RYK: variants seen among roughly 807,000 people sequenced by gnomAD.
RYK encodes inactive tyrosine-protein kinase RYK.
In RYK, 21 loss-of-function variants were observed where a neutral mutation model predicts 70.2. That is an observed-to-expected ratio of 0.30 (90% CI 0.21 to 0.43). RYK has a LOEUF of 0.43. Among genes scored for constraint, RYK ranks in the 20% least tolerant of loss-of-function variants. The pLI is 1.00. For missense variants in RYK, 604 were observed against 753.3 expected (o/e 0.80, Z 2.32); for synonymous variants, 267 against 278.0 (o/e 0.96, Z 0.39).
At chr3:134,190,171 C>G (rs1248650553) in intron 8 of RYK, among the ~76,000 whole-genome samples, 1 of 152,150 alleles carries the variant, frequency 6.6e-6, no homozygotes, top group African/African-American at 2.4e-5. Context: ...TTGCTTGAAG[C>G]TGAGTAAATA....
intron 1 of RYK, among the ~76,000 whole-genome samples, chr3:134,247,951 C>G (rs2107700546): frequency 6.6e-6 from 1 of 152,328 alleles, no homozygotes; most frequent in South Asian, 2.1e-4. Context: ...TGCAAAGCTA[C>G]TATTCCAAGA....
intron 13 of RYK, among the ~76,000 whole-genome samples, chr3:134,166,642 G>C (rs2012683021): frequency 6.6e-6 from 1 of 152,162 alleles, no homozygotes; most frequent in African/African-American, 2.4e-5. Context: ...CAGATGCATA[G>C]ACATTACTCC....
intron 4 of RYK, among the ~76,000 whole-genome samples, chr3:134,208,929 C>T (rs919979807): frequency 1.3e-5 from 2 of 151,986 alleles, no homozygotes; most frequent in African/African-American, 2.4e-5. Context: ...TATATTTCCC[C>T]CCCCCATCTT....
chr3:134,221,196 C>CTTTTTTTTTTTTTT (rs71139519), intron 2 of RYK, among the ~76,000 whole-genome samples: 16 of 78,588 alleles, frequency 2.0e-4, no homozygotes, highest in African/African-American at 8.4e-4. Context: ...AGTTCTTTTT[C>CTTTTTTTTTTTTTT]TTTTTTTTTT....
At chr3:134,175,805 A>C in intron 12 of RYK, 37 bp from the exon 13 acceptor site, 4 of 1,607,966 alleles carry the variant, frequency 2.5e-6, no homozygotes, top group Non-Finnish European at 3.4e-6. Context: ...ATGCAATCAG[A>C]GTATTAAAAA....
intron 6 of RYK, among the ~76,000 whole-genome samples, chr3:134,202,231 A>C (rs910278480): frequency 6.6e-6 from 1 of 152,182 alleles, no homozygotes; most frequent in Non-Finnish European, 1.5e-5. Context: ...ACCACAAACC[A>C]ACTGCATCAA....
At chr3:134,180,704 AAAATG>A (rs1406087244) in intron 10 of RYK, 1 of 152,230 alleles carries the variant, frequency 6.6e-6, no homozygotes, top group Non-Finnish European at 1.5e-5. Context: ...GGTCACCTTA[AAAATG>A]AAATGAACTG....
At chr3:134,169,706 G>A (rs573021922) in intron 13 of RYK, among the ~76,000 whole-genome samples, 1 of 152,272 alleles carries the variant, frequency 6.6e-6, no homozygotes, top group South Asian at 2.1e-4. Flanking sequence ...AATAAATCGT[G>A]TAGAATTTTT....
intron 1 of RYK, among the ~76,000 whole-genome samples, chr3:134,249,701 T>C (rs1361921475): frequency 6.6e-6 from 1 of 151,970 alleles, no homozygotes; most frequent in East Asian, 1.9e-4. Flanking sequence ...TACTCAAAAG[T>C]AGGAGAGTGG....
intron 9 of RYK, among the ~76,000 whole-genome samples, chr3:134,188,318 G>A (rs537965796): frequency 7.9e-5 from 12 of 151,656 alleles, no homozygotes; most frequent in African/African-American, 2.7e-4. Flanking sequence ...GAGCCACCAC[G>A]CCTGGCTAAT....
intron 7 of RYK, among the ~76,000 whole-genome samples, chr3:134,193,187 CTTT>C (rs59588313): frequency 7.0e-6 from 1 of 143,728 alleles, no homozygotes; most frequent in Admixed American, 7.0e-5. Flanking sequence ...TTTCCCTTGA[CTTT>C]TTTTTTTTTT....
intron 9 of RYK, among the ~76,000 whole-genome samples, chr3:134,187,533 AAGAC>A (rs1459657706): frequency 2.0e-5 from 3 of 152,122 alleles, no homozygotes; most frequent in Non-Finnish European, 2.9e-5. Context: ...ATAAGCAAAT[AAGAC>A]TTACCTCAGA....
At chr3:134,237,473 C>A (rs1686079032) in intron 1 of RYK, among the ~76,000 whole-genome samples, 1 of 152,056 alleles carries the variant, frequency 6.6e-6, no homozygotes, top group Admixed American at 6.6e-5. Context: ...AAGTCAACTA[C>A]ATCAAAGATG....
chr3:134,173,603 C>T (rs1195834671), intron 13 of RYK, among the ~76,000 whole-genome samples: 3 of 152,090 alleles, frequency 2.0e-5, no homozygotes, highest in Non-Finnish European at 2.9e-5. Context: ...CATCAGATCT[C>T]GTGAGACTCA....
intron 1 of RYK, among the ~76,000 whole-genome samples, chr3:134,237,806 C>A (rs1487638643): frequency 6.6e-6 from 1 of 152,202 alleles, no homozygotes; most frequent in Non-Finnish European, 1.5e-5. Flanking sequence ...TCAGCCAAAA[C>A]ACTATTATTT....
chr3:134,234,755 G>C (rs1430589516), intron 1 of RYK, among the ~76,000 whole-genome samples: 1 of 152,094 alleles, frequency 6.6e-6, no homozygotes, highest in Non-Finnish European at 1.5e-5. Flanking sequence ...ATAGGGGATA[G>C]AGAACTGTTT....
At chr3:134,175,211 C>A (rs2013055191) in intron 13 of RYK, among the ~76,000 whole-genome samples, 1 of 152,168 alleles carries the variant, frequency 6.6e-6, no homozygotes, top group South Asian at 2.1e-4. Context: ...CCCATGGTGG[C>A]ACACGCCTGT....
intron 13 of RYK, among the ~76,000 whole-genome samples, chr3:134,160,745 C>G (rs2012436042): frequency 6.6e-6 from 1 of 152,140 alleles, no homozygotes; most frequent in Non-Finnish European, 1.5e-5. Flanking sequence ...ATCCCAGCTA[C>G]TCGGGAGGCT....
intron 6 of RYK, among the ~76,000 whole-genome samples, chr3:134,196,415 T>C (rs960507638): frequency 2.6e-5 from 4 of 152,148 alleles, no homozygotes; most frequent in African/African-American, 9.7e-5. Flanking sequence ...TCCCACATAA[T>C]AATTCTGTAT....
Sources: allele counts gnomAD v4.1 joint callset (sites outside exome capture counted in the v4.1 genomes callset), GRCh38; gene constraint gnomAD v4.1.1; transcripts MANE v1.5; gene names NCBI Gene and HGNC (gene_info 2026-07-23, HGNC 2026-07-21).